CACNA2D2: variants seen among roughly 807,000 people sequenced by gnomAD.
CACNA2D2 encodes the protein calcium voltage-gated channel auxiliary subunit alpha2delta 2, also known as voltage-dependent calcium channel subunit alpha-2/delta-2.
A neutral mutation model predicts 166.4 loss-of-function variants in CACNA2D2; 48 were observed. That is an observed-to-expected ratio of 0.29 (90% CI 0.23 to 0.37). The LOEUF (loss-of-function observed/expected upper bound fraction) is 0.37, where lower values mean the gene tolerates loss of function less well. Ranked by LOEUF, CACNA2D2 falls within the 10% of genes least tolerant of loss-of-function variation. The pLI, the probability that CACNA2D2 is intolerant of heterozygous loss-of-function variation, is 1.00. For missense variants in CACNA2D2, 1,122 were observed against 1,433.0 expected, an observed-to-expected ratio of 0.78 and a Z score of 3.50; for synonymous variants, 561 against 573.7, an observed-to-expected ratio of 0.98 and a Z score of 0.32.
intron 2 of CACNA2D2, among the ~76,000 whole-genome samples, chr3:50,439,292 C>A (rs1215011805): frequency 6.6e-6 from 1 of 152,146 alleles, no homozygotes; most frequent in Admixed American, 6.5e-5. Flanking sequence ...CAGGGCCAGC[C>A]CAATCGACTA....
intron 3 of CACNA2D2, 130 bp from the exon 4 acceptor site, chr3:50,394,298 C>T (rs1240772696): frequency 2.3e-5 from 17 of 728,382 alleles, no homozygotes; most frequent in Admixed American, 1.6e-4. Flanking sequence ...CCTCATCCTA[C>T]GAGACCCTCA....
chr3:50,424,873 G>A (rs1707735055), intron 3 of CACNA2D2, among the ~76,000 whole-genome samples: 1 of 152,102 alleles, frequency 6.6e-6, no homozygotes, highest in Non-Finnish European at 1.5e-5. Context: ...TTAGCTTGGG[G>A]AAGACAGCTG....
chr3:50,387,677 C>T, intron 4 of CACNA2D2, 65 bp from the exon 5 acceptor site: 2 of 1,274,212 alleles, frequency 1.6e-6, no homozygotes, highest in South Asian at 2.6e-5. Context: ...GGACTCCTAG[C>T]CCCAAGGCCT....
chr3:50,399,618 C>T (rs1049081130), intron 3 of CACNA2D2, among the ~76,000 whole-genome samples: 17 of 152,142 alleles, frequency 1.1e-4, no homozygotes, highest in Admixed American at 1.1e-3. Flanking sequence ...GCAAGACTCA[C>T]GAGAAGTAGA....
At chr3:50,474,843 C>T (rs1207818885) in intron 2 of CACNA2D2, among the ~76,000 whole-genome samples, 2 of 152,176 alleles carry the variant, frequency 1.3e-5, no homozygotes, top group Non-Finnish European at 2.9e-5. Flanking sequence ...TTCTACAGCA[C>T]TTTCTCTGGA....
intron 2 of CACNA2D2, among the ~76,000 whole-genome samples, chr3:50,462,282 G>A (rs1310491040): frequency 1.3e-5 from 2 of 151,864 alleles, no homozygotes; most frequent in Non-Finnish European, 2.9e-5. Flanking sequence ...CCAGCTACTG[G>A]GGGGCTCAGG....
chr3:50,375,747 G>A lies in CACNA2D2; in HGVS notation c.1846-42C>T. On this transcript the variant is annotated intron_variant, in intron 20 of 37. Coordinates refer to ENST00000424201, the MANE Select transcript of CACNA2D2 (RefSeq NM_006030.4). The surrounding 1 kb of genome is among the most constrained non-coding windows in gnomAD (Gnocchi z 4.0). ...GGTCAGGTACTTGGGCTAGCAGGCAGGGGGCGCTGGGGTAGAAGGGTGCCC... is the reference window on the plus strand; with the variant it reads ...GGTCAGGTACTTGGGCTAGCAGGCAAGGGGCGCTGGGGTAGAAGGGTGCCC... 6.2e-7 allele frequency: 1 copy of A among 1,612,882 alleles called. No individual in the cohort carries two copies. The highest frequency in any genetic ancestry group is 8.5e-7 in the Non-Finnish European group (1 of 1,179,864).
chr3:50,495,937 A>T (rs1414797054), intron 1 of CACNA2D2, among the ~76,000 whole-genome samples: 1 of 152,228 alleles, frequency 6.6e-6, no homozygotes, highest in Non-Finnish European at 1.5e-5. Context: ...CAATTTGCAA[A>T]AATTTGAATT....
chr3:50,464,807 C>A lies in CACNA2D2; in HGVS notation c.288+11311G>T, dbSNP rs144991048. Among the ~76,000 whole-genome samples, 281 of 152,292 alleles carry A rather than the reference C, an allele frequency of 1.8e-3. 1 individual carries two copies. The East Asian group carries it at 0.023, about 12-fold the overall frequency. ...ATAATGGCTGGGGAAGCAGGGTGCC[C>A]GTTAGTGGCTCCTCGAAGGGAAAAT... On this transcript the variant is annotated intron_variant, in intron 2 of 37. Coordinates refer to ENST00000424201, the MANE Select transcript of CACNA2D2 (RefSeq NM_006030.4).
At chr3:50,415,276 T>C (rs1397701253) in intron 3 of CACNA2D2, among the ~76,000 whole-genome samples, 2 of 152,232 alleles carry the variant, frequency 1.3e-5, no homozygotes, top group African/African-American at 2.4e-5. Flanking sequence ...ACTTTTGGGC[T>C]ACAGAAGGTG....
intron 2 of CACNA2D2, among the ~76,000 whole-genome samples, chr3:50,447,871 CCT>C (rs1450936221): frequency 6.6e-6 from 1 of 152,136 alleles, no homozygotes; most frequent in East Asian, 1.9e-4. Context: ...AATGCCACAC[CCT>C]GACTGGATCA....
chr3:50,409,041 C>G (rs1388750981), intron 3 of CACNA2D2, among the ~76,000 whole-genome samples: 1 of 152,250 alleles, frequency 6.6e-6, no homozygotes, highest in Non-Finnish European at 1.5e-5. Flanking sequence ...GCCCATTGGG[C>G]TGGACTTTCT....
chr3:50,403,339 C>G (rs1706541497), intron 3 of CACNA2D2, among the ~76,000 whole-genome samples: 1 of 152,182 alleles, frequency 6.6e-6, no homozygotes, highest in East Asian at 1.9e-4. Context: ...CCCCCTCCCC[C>G]AAACTCAGCT....
Position 50,379,033 on chromosome 3 carries a change from A to G in CACNA2D2, c.1261-40T>C, listed in dbSNP as rs781405632. 1.2e-6 allele frequency: 2 copies of G among 1,613,616 alleles called. No homozygotes were observed. Among genetic ancestry groups the G allele is most frequent in the Admixed American group, 3.3e-5 (2 of 60,026 alleles). ...AGGTTACTGCTGTGGCCACCAGGGG[A>G]CAGCCCTCTTCTGTACTGGGCCCAG... On this transcript the variant is annotated intron_variant, in intron 12 of 37. Coordinates refer to ENST00000424201, the MANE Select transcript of CACNA2D2 (RefSeq NM_006030.4). This position sits in a 1 kb window ranked among gnomAD's most constrained non-coding sequence, Gnocchi z 6.5.
Position 50,445,902 on chromosome 3 carries a change from C to T in CACNA2D2, c.289-11473G>A, listed in dbSNP as rs944669790. Reference sequence around the variant, plus strand: ...GCTCTGGCCCTTCTGTACCTCAGTTCCCCCTTATTTCACTTTTGGGGAAGA... The same window carrying T: ...GCTCTGGCCCTTCTGTACCTCAGTTTCCCCTTATTTCACTTTTGGGGAAGA... On this transcript the variant is annotated intron_variant, in intron 2 of 37. Coordinates refer to ENST00000424201, the MANE Select transcript of CACNA2D2 (RefSeq NM_006030.4). Among the ~76,000 whole-genome samples the T allele has an allele frequency of 3.3e-5, 5 of 152,070 alleles. No homozygotes were observed. The East Asian group carries it at 9.6e-4, about 29-fold the overall frequency.
intron 1 of CACNA2D2, among the ~76,000 whole-genome samples, chr3:50,487,814 T>C (rs1396586037): frequency 6.6e-6 from 1 of 152,136 alleles, no homozygotes; most frequent in East Asian, 1.9e-4. Flanking sequence ...TTTCTGTAAA[T>C]TCCCAACTAG....
intron 1 of CACNA2D2, among the ~76,000 whole-genome samples, chr3:50,483,790 C>T (rs1169883960): frequency 6.6e-6 from 1 of 152,170 alleles, no homozygotes; most frequent in Non-Finnish European, 1.5e-5. Context: ...CTCAAGGGGT[C>T]TGATGGGGGC....
intron 3 of CACNA2D2, among the ~76,000 whole-genome samples, chr3:50,398,950 C>T (rs896310495): frequency 6.6e-6 from 1 of 152,220 alleles, no homozygotes; most frequent in African/African-American, 2.4e-5. Context: ...CAGATACCTG[C>T]AAATCTCACT....
Position 50,376,611 on chromosome 3 carries a change from C to A in CACNA2D2, c.1627-423G>T, listed in dbSNP as rs979034089. Reference sequence around the variant, plus strand: ...AGAGCAGCGGGACGAGTGGACCCTTCGGAATCCTACCTGGGGCTTCCCTTC... The same window carrying A: ...AGAGCAGCGGGACGAGTGGACCCTTAGGAATCCTACCTGGGGCTTCCCTTC... On this transcript the variant is annotated intron_variant, in intron 17 of 37. Coordinates refer to ENST00000424201, the MANE Select transcript of CACNA2D2 (RefSeq NM_006030.4). The surrounding 1 kb of genome is among the most constrained non-coding windows in gnomAD (Gnocchi z 4.3). Among the ~76,000 whole-genome samples the A allele has an allele frequency of 3.9e-5, 6 of 152,130 alleles. No homozygotes were observed. The highest frequency in any genetic ancestry group is 1.2e-4 in the African/African-American group (5 of 41,432).
Sources: gnomAD v4.1 joint callset for allele counts (sites outside exome capture counted in the v4.1 genomes callset) on GRCh38, gnomAD v4.1.1 for gene constraint, Gnocchi (gnomAD v3.1) non-coding constraint, MANE v1.5 for transcripts, NCBI Gene and HGNC (gene_info 2026-07-23, HGNC 2026-07-21) for gene names.